ICA1: variants seen among roughly 807,000 people sequenced by gnomAD.
ICA1 encodes islet cell autoantigen 1.
ICA1 carries 40 observed loss-of-function variants against 71.0 expected under a neutral mutation model. That is an observed-to-expected ratio of 0.56 (90% CI 0.44 to 0.73). ICA1 has a LOEUF of 0.73. Ranked by LOEUF, ICA1 falls within the 30% of genes least tolerant of loss-of-function variation. The pLI, the probability that ICA1 is intolerant of heterozygous loss-of-function variation, is 0.00. For synonymous variants in ICA1, 207 were observed against 209.5 expected (o/e 0.99, Z 0.10); for missense variants, 578 against 576.5 (o/e 1.00, Z -0.03).
chr7:8,144,656 C>T lies in ICA1; in HGVS notation c.805-684G>A, dbSNP rs984796654. ...TATTTAAGTTTTTTTTTTTAAACAG[C>T]AAGTGCCTAGAAACTGTATACCAGT... On this transcript the variant is annotated intron_variant, in intron 8 of 13. Transcript: ENST00000402384. The surrounding 1 kb of genome is among the most constrained non-coding windows in gnomAD (Gnocchi z 4.5). Among the ~76,000 whole-genome samples the T allele has an allele frequency of 6.6e-6, 1 of 151,298 alleles. No homozygotes were observed. The highest frequency in any genetic ancestry group is 1.5e-5 in the Non-Finnish European group (1 of 67,878).
intron 6 of ICA1, among the ~76,000 whole-genome samples, chr7:8,161,635 G>A (rs985316952): frequency 2.6e-5 from 4 of 152,196 alleles, no homozygotes; most frequent in East Asian, 1.9e-4. Context: ...CAGCTGGAGG[G>A]GGGTGAGAAA....
intron 8 of ICA1, among the ~76,000 whole-genome samples, chr7:8,147,145 C>T (rs985721639): frequency 6.6e-6 from 1 of 152,116 alleles, no homozygotes; most frequent in African/African-American, 2.4e-5. Context: ...GCTGCCACAG[C>T]GCTTGCCTAA....
chr7:8,152,057 C>T (rs1798990829), intron 8 of ICA1, among the ~76,000 whole-genome samples: 1 of 152,144 alleles, frequency 6.6e-6, no homozygotes, highest in Non-Finnish European at 1.5e-5. Flanking sequence ...GCCTTTCCTG[C>T]CTGCCGGCCT....
At chr7:8,246,904 G>A (rs1269131886) in intron 1 of ICA1, among the ~76,000 whole-genome samples, 6 of 152,044 alleles carry the variant, frequency 3.9e-5, no homozygotes, top group African/African-American at 1.4e-4. Context: ...GTGCCACAAC[G>A]CCTGGCTAAG....
intron 6 of ICA1, 22 bp downstream of exon 6, chr7:8,218,283 T>C (rs765815788): frequency 6.2e-7 from 1 of 1,610,622 alleles, no homozygotes. Context: ...CCCCTTCTGC[T>C]AACCCTCATA....
chr7:8,159,934 A>C (rs1803128757), intron 6 of ICA1, among the ~76,000 whole-genome samples: 1 of 152,044 alleles, frequency 6.6e-6, no homozygotes, highest in Non-Finnish European at 1.5e-5. Flanking sequence ...GATCATCGTA[A>C]AGTTATAGAT....
At chr7:8,124,450 C>A (rs185826722) in intron 13 of ICA1, among the ~76,000 whole-genome samples, 29 of 137,920 alleles carry the variant, frequency 2.1e-4, no homozygotes, top group African/African-American at 7.7e-4. Context: ...GCCATGAATG[C>A]AGTGAAAAAA....
chr7:8,195,477 G>A (rs1012334373), intron 6 of ICA1, among the ~76,000 whole-genome samples: 8 of 152,002 alleles, frequency 5.3e-5, no homozygotes, highest in Admixed American at 4.6e-4. Flanking sequence ...GGGAGGCAGA[G>A]GTTGTAGTGA....
intron 6 of ICA1, among the ~76,000 whole-genome samples, chr7:8,188,215 A>G (rs1784476349): frequency 6.6e-6 from 1 of 152,242 alleles, no homozygotes; most frequent in Admixed American, 6.5e-5. Flanking sequence ...TAGAACCAAA[A>G]TAAATAAGAT....
rs562245643 is a variant in ICA1 at position 8,123,366 on chromosome 7, C to T, written c.1330+4507G>A. On this transcript the variant is annotated intron_variant, in intron 13 of 13. Transcript: ENST00000402384. This position sits in a 1 kb window ranked among gnomAD's most constrained non-coding sequence, Gnocchi z 4.1. ...TCCAGGGAGACGACAGAGGAGGAAA[C>T]TGAAGAGATGAAGGCGGAAGAGGAG... Among the ~76,000 whole-genome samples the T allele has an allele frequency of 6.6e-6, 1 of 152,058 alleles. No homozygotes were observed.
chr7:8,143,948 A>AT lies in ICA1; in HGVS notation c.828dup (p.Leu277IlefsTer3), dbSNP rs374148262. ...TTCTTCTTCTCTTCTTTCTCAACTA[A>AT]TTTTTTCATAGGGTCTTGTAAGCTC... On this transcript the variant is annotated frameshift_variant, in exon 9 of 14. Transcript: ENST00000402384. LOFTEE classifies it high-confidence loss of function. 1 of 1,606,084 alleles carries AT rather than the reference A, an allele frequency of 6.2e-7. No homozygotes were observed. The highest frequency in any genetic ancestry group is 1.7e-5 in the Admixed American group (1 of 59,914).
chr7:8,163,174 G>T (rs901997233), intron 6 of ICA1, among the ~76,000 whole-genome samples: 2 of 152,196 alleles, frequency 1.3e-5, no homozygotes, highest in African/African-American at 4.8e-5. Flanking sequence ...AAACATCAGA[G>T]CCCTTCTCTG....
At chr7:8,165,324 G>A (rs139762951) in intron 6 of ICA1, among the ~76,000 whole-genome samples, 19 of 152,344 alleles carry the variant, frequency 1.2e-4, no homozygotes, top group African/African-American at 4.1e-4. Context: ...AGAAGTATGT[G>A]TAAGTGAATG....
At chr7:8,155,994 G>A (rs906818984) in intron 8 of ICA1, among the ~76,000 whole-genome samples, 8 of 152,210 alleles carry the variant, frequency 5.3e-5, no homozygotes, top group African/African-American at 1.9e-4. Flanking sequence ...CACTGTGAAC[G>A]CATTCACCAT....
In ICA1 at chr7:8,221,128, A is replaced by G. The variant is rs182748353; in HGVS notation, c.380+147T>C. 20 of 818,948 alleles carry G rather than the reference A, an allele frequency of 2.4e-5. No homozygotes were observed. In the African/African-American group the frequency reaches 3.4e-4, roughly 14 times the overall value. The allele number at this position is 818,948 out of a possible 1,614,324, so 50.7% of individuals were successfully genotyped here. A position where few individuals can be genotyped will look rare whatever the true frequency, so the allele number is the denominator to read the frequency against. ...TAATCTTAATTAGAGAGTTAAGTAC[A>G]AACTGCCTAACTAGTGAGTACAGAG... On this transcript the variant is annotated intron_variant, in intron 5 of 13. Transcript: ENST00000402384.
chr7:8,218,270 G>A (rs757152627), intron 6 of ICA1, 35 bp downstream of exon 6: 31 of 1,573,438 alleles, frequency 2.0e-5, no homozygotes, highest in Non-Finnish European at 2.4e-5. Context: ...CTTCCAGCAG[G>A]TACCCCTTCT....
chr7:8,254,242 A>G (rs1583895677), intron 1 of ICA1, among the ~76,000 whole-genome samples: 1 of 152,216 alleles, frequency 6.6e-6, no homozygotes, highest in South Asian at 2.1e-4. Flanking sequence ...TATGCTGTGC[A>G]CGGGTCCTGT....
intron 6 of ICA1, among the ~76,000 whole-genome samples, chr7:8,196,831 G>C (rs1204296097): frequency 2.0e-5 from 3 of 152,126 alleles, no homozygotes; most frequent in Non-Finnish European, 4.4e-5. Context: ...AATCACGGCA[G>C]TTCCCCCATA....
At chr7:8,199,290 G>A (rs1788736711) in intron 6 of ICA1, among the ~76,000 whole-genome samples, 1 of 152,200 alleles carries the variant, frequency 6.6e-6, no homozygotes, top group Non-Finnish European at 1.5e-5. Flanking sequence ...ATTTGTTGCA[G>A]CAAATACAGG....
Sources: gnomAD v4.1 joint callset for allele counts (sites outside exome capture counted in the v4.1 genomes callset) on GRCh38, gnomAD v4.1.1 for gene constraint, Gnocchi (gnomAD v3.1) non-coding constraint, MANE v1.5 for transcripts, NCBI Gene and HGNC (gene_info 2026-07-23, HGNC 2026-07-21) for gene names.